The following OLAH variants were observed in gnomAD, a reference collection of about 807,000 sequenced individuals.
The protein encoded by OLAH is S-acyl fatty acid synthase thioesterase, medium chain.
OLAH carries 33 observed loss-of-function variants against 27.8 expected under a neutral mutation model. The observed-to-expected ratio is 1.19, with a 90% CI of 0.90 to 1.59. The LOEUF (loss-of-function observed/expected upper bound fraction) is 1.59, where lower values mean the gene tolerates loss of function less well. Among genes scored for constraint, OLAH ranks in the 40% most tolerant of loss-of-function variants. OLAH has a pLI of 0.00. For synonymous variants in OLAH, 120 were observed against 102.9 expected, an observed-to-expected ratio of 1.17 and a Z score of -1.01; for missense variants, 359 against 310.8, an observed-to-expected ratio of 1.16 and a Z score of -1.17.
upstream of OLAH, among the ~76,000 whole-genome samples, chr10:15,043,739 A>T (rs924558819): frequency 1.1e-4 from 16 of 152,084 alleles, no homozygotes; most frequent in Non-Finnish European, 1.9e-4. Flanking sequence ...AAGTGCTGGG[A>T]TTACTGGTGT....
At chr10:15,067,459 G>T (rs939456911) in intron 6 of OLAH, among the ~76,000 whole-genome samples, 1 of 152,076 alleles carries the variant, frequency 6.6e-6, no homozygotes, top group African/African-American at 2.4e-5. Flanking sequence ...AACAAACCAT[G>T]AGCTATTTTT....
chr10:15,070,418 T>C (rs1844560723), intron 6 of OLAH, among the ~76,000 whole-genome samples: 1 of 152,208 alleles, frequency 6.6e-6, no homozygotes, highest in Non-Finnish European at 1.5e-5. Context: ...ATACCTCTTA[T>C]ACCTTAATTT....
rs77755915 is a variant in OLAH at position 15,060,867 on chromosome 10, G to C, written c.164-857G>C. 8.3e-3 allele frequency among the ~76,000 whole-genome samples: 1,263 copies of C among 152,246 alleles called. 11 individuals carry two copies. The highest frequency in any genetic ancestry group is 0.035 in the South Asian group (168 of 4,822). Reference sequence around the variant, plus strand: ...TTTACATTGTTGGGTCCTGGATTTTGTTGTATTCCTGTACAGTGTGTTAGA... The same window carrying C: ...TTTACATTGTTGGGTCCTGGATTTTCTTGTATTCCTGTACAGTGTGTTAGA... On this transcript the variant is annotated intron_variant, in intron 3 of 7. Transcript: ENST00000378228.
chr10:15,047,640 G>A (rs1844047546), intron 2 of OLAH, among the ~76,000 whole-genome samples: 1 of 152,182 alleles, frequency 6.6e-6, no homozygotes, highest in Non-Finnish European at 1.5e-5. Flanking sequence ...GGGAGGTGCA[G>A]GTTGCAGTGA....
At chr10:15,053,830 C>T (rs1408779802) in intron 3 of OLAH, among the ~76,000 whole-genome samples, 1 of 151,842 alleles carries the variant, frequency 6.6e-6, no homozygotes, top group Non-Finnish European at 1.5e-5. Flanking sequence ...TCCTCCCACC[C>T]CAGCCTTCCA....
At chr10:15,047,612 G>A (rs963439831) in intron 2 of OLAH, among the ~76,000 whole-genome samples, 1 of 152,304 alleles carries the variant, frequency 6.6e-6, no homozygotes, top group African/African-American at 2.4e-5. Flanking sequence ...GGGTGAGGCA[G>A]GAGAATTGCT....
intron 3 of OLAH, among the ~76,000 whole-genome samples, chr10:15,049,967 C>T (rs1350234818): frequency 6.6e-6 from 1 of 152,186 alleles, no homozygotes; most frequent in African/African-American, 2.4e-5. Flanking sequence ...CTAGAAGGAC[C>T]TTTTAGGAGA....
At chr10:15,057,178 T>C (rs1231973504) in intron 3 of OLAH, among the ~76,000 whole-genome samples, 1 of 152,146 alleles carries the variant, frequency 6.6e-6, no homozygotes, top group African/African-American at 2.4e-5. Context: ...TCACAGTTAT[T>C]TGCCTATTTT....
rs750324646 is a variant in OLAH at position 15,061,847 on chromosome 10, C to A, written c.287C>A (p.Ala96Glu). 7.4e-6 allele frequency: 12 copies of A among 1,612,988 alleles called. No individual in the cohort carries two copies. The African/African-American group carries it at 1.5e-4, about 20-fold the overall frequency. The stretch of plus-strand genomic sequence containing the variant: ...CCAGTCATCCAGGATAAACCATTTG[C>A]ATTTTTTGGCCACAGGTATTTGATA... ...LQPVIQDKPF[A>E]FFGHSMGSYI... Residue 96 changes from alanine to glutamate, a missense_variant, in exon 4 of 8, where the codon GCA (alanine) becomes GAA (glutamate). Transcript: ENST00000378228.
intron 1 of OLAH, among the ~76,000 whole-genome samples, chr10:15,046,018 G>A (rs572059378): frequency 2.6e-5 from 4 of 152,096 alleles, no homozygotes; most frequent in African/African-American, 9.7e-5. Context: ...GCGATAGAGC[G>A]AGATTCAGTC....
At chr10:15,048,481 G>A (rs1844066012) in intron 2 of OLAH, among the ~76,000 whole-genome samples, 1 of 152,224 alleles carries the variant, frequency 6.6e-6, no homozygotes, top group Non-Finnish European at 1.5e-5. Flanking sequence ...GCTTCCCAAA[G>A]TGCTGGGCTT....
rs952169710 is a variant in OLAH at position 15,073,851 on chromosome 10, G to C, written c.*622G>C. 1 of 152,110 alleles carries C rather than the reference G, an allele frequency of 6.6e-6. No homozygotes were observed. The highest frequency in any genetic ancestry group is 2.4e-5 in the African/African-American group (1 of 41,414). 9.4% of individuals were successfully genotyped at this position (152,110 alleles called of 1,614,324 possible). On this transcript the variant is annotated 3_prime_UTR_variant, in exon 8 of 8. Coordinates refer to ENST00000378228, the MANE Select transcript of OLAH (RefSeq NM_001039702.3). ...CTTGAAGTAAATGATTGTTTCAATG[G>C]CATACCGTGTCTCAAAGCTTGATCT... is the stretch of plus-strand genomic sequence containing the variant.
At chr10:15,032,738 C>T (rs953010208) in intron 1 of OLAH, among the ~76,000 whole-genome samples, 6 of 152,010 alleles carry the variant, frequency 3.9e-5, no homozygotes, top group East Asian at 1.9e-4. Flanking sequence ...AGGTGATTTC[C>T]GAAATGCTTC....
chr10:15,034,050 G>A (rs958210755), intron 1 of OLAH, among the ~76,000 whole-genome samples: 1 of 151,848 alleles, frequency 6.6e-6, no homozygotes, highest in Non-Finnish European at 1.5e-5. Context: ...AAACTACCAG[G>A]AGAGAAAGAG....
intron 1 of OLAH, among the ~76,000 whole-genome samples, chr10:15,046,890 C>T (rs1844028522): frequency 6.6e-6 from 1 of 152,132 alleles, no homozygotes; most frequent in Non-Finnish European, 1.5e-5. Flanking sequence ...TGGCTAGAGT[C>T]TGGAAATGTT....
intron 3 of OLAH, among the ~76,000 whole-genome samples, chr10:15,052,007 G>A (rs1844152794): frequency 6.6e-6 from 1 of 152,200 alleles, no homozygotes; most frequent in Non-Finnish European, 1.5e-5. Flanking sequence ...TGCAGGCTGG[G>A]CATGGTGGCT....
chr10:15,056,784 C>G (rs1398355495), intron 3 of OLAH: 2 of 1,420,376 alleles, frequency 1.4e-6, no homozygotes, highest in Non-Finnish European at 1.8e-6. Context: ...GCATACACCA[C>G]TATGCTCGGC....
chr10:15,071,906 T>C (rs779724740), intron 7 of OLAH, 29 bp downstream of exon 7: 1 of 1,506,074 alleles, frequency 6.6e-7, no homozygotes, highest in South Asian at 1.2e-5. Context: ...TCGAGTATTG[T>C]ATTGAAATAT....
At chr10:15,048,306 C>G (rs552490315) in intron 2 of OLAH, among the ~76,000 whole-genome samples, 2 of 152,166 alleles carry the variant, frequency 1.3e-5, no homozygotes, top group Admixed American at 6.5e-5. Context: ...CAACCCCCCC[C>G]TCCTGGGTTC....
Sources: gnomAD v4.1 joint callset for allele counts (sites outside exome capture counted in the v4.1 genomes callset) on GRCh38, gnomAD v4.1.1 for gene constraint, MANE v1.5 for transcripts, NCBI Gene and HGNC (gene_info 2026-07-23, HGNC 2026-07-21) for gene names.